The following SH3BP2 variants were observed in gnomAD, a reference collection of about 807,000 sequenced individuals.
SH3BP2 encodes SH3 domain-binding protein 2.
A neutral mutation model predicts 56.2 loss-of-function variants in SH3BP2; 38 were observed. That is an observed-to-expected ratio of 0.68 (90% CI 0.52 to 0.89). The LOEUF is 0.89. Among genes scored for constraint, SH3BP2 ranks in the 40% least tolerant of loss-of-function variants. The probability of loss-of-function intolerance (pLI) is 0.00; values close to 1 mark genes in which losing one functional copy is unlikely to be tolerated. For missense variants in SH3BP2, 748 were observed against 762.6 expected, an observed-to-expected ratio of 0.98 and a Z score of 0.23; for synonymous variants, 346 against 316.7, an observed-to-expected ratio of 1.09 and a Z score of -0.98.
intron 1 of SH3BP2, chr4:2,812,608 G>A (rs1264414810): frequency 8.2e-7 from 1 of 1,217,728 alleles, no homozygotes; most frequent in Admixed American, 2.8e-5. Context: ...ACAGGAGGTG[G>A]CCCTGAGCCT....
intron 3 of SH3BP2, among the ~76,000 whole-genome samples, chr4:2,824,151 AG>A (rs2108729934): frequency 6.6e-6 from 1 of 152,282 alleles, no homozygotes. Flanking sequence ...TGATAAACTC[AG>A]CGCAAACCCC....
chr4:2,798,233 G>A (rs555623380), intron 1 of SH3BP2, among the ~76,000 whole-genome samples: 14 of 152,304 alleles, frequency 9.2e-5, no homozygotes, highest in African/African-American at 3.4e-4. Flanking sequence ...CTCCCTGAAC[G>A]AAAGTGCTTT....
intron 7 of SH3BP2, among the ~76,000 whole-genome samples, chr4:2,828,656 G>A (rs1413731802): frequency 2.6e-5 from 4 of 152,226 alleles, no homozygotes; most frequent in Non-Finnish European, 5.9e-5. Context: ...CTGCAGCCCA[G>A]TGAGGCTAGA....
chr4:2,793,629 C>T (rs764223931), intron 1 of SH3BP2: 3 of 151,980 alleles, frequency 2.0e-5, no homozygotes, highest in Admixed American at 1.3e-4. Flanking sequence ...GCGACCCTCC[C>T]CACAAGACTC....
intron 1 of SH3BP2, among the ~76,000 whole-genome samples, chr4:2,820,186 C>T (rs1402205258): frequency 6.6e-6 from 1 of 152,202 alleles, no homozygotes; most frequent in Non-Finnish European, 1.5e-5. Flanking sequence ...TGCCTTCTTC[C>T]TGTCTAGGCC....
intron 5 of SH3BP2, 101 bp downstream of exon 5, chr4:2,825,297 C>T (rs562791402): frequency 1.7e-5 from 17 of 1,014,414 alleles, no homozygotes; most frequent in African/African-American, 1.3e-4. Flanking sequence ...CATAGAATTC[C>T]GTCCTTAAAG....
chr4:2,806,601 G>A (rs953126282), intron 1 of SH3BP2, among the ~76,000 whole-genome samples: 2 of 150,858 alleles, frequency 1.3e-5, no homozygotes, highest in East Asian at 1.9e-4. Context: ...ACTGTCTCCA[G>A]CCCCACCTCA....
intron 1 of SH3BP2, among the ~76,000 whole-genome samples, chr4:2,808,827 C>T (rs1288355256): frequency 1.4e-4 from 5 of 36,610 alleles, no homozygotes; most frequent in African/African-American, 2.6e-4. Context: ...GCCCACCCAC[C>T]CTCCTAGGGC....
chr4:2,810,566 G>A lies in SH3BP2; in HGVS notation c.-4-10048G>A, dbSNP rs755716009. Among the ~76,000 whole-genome samples the A allele has an allele frequency of 5.9e-5, 9 of 151,928 alleles. No individual in the cohort carries two copies. The highest frequency in any genetic ancestry group is 1.3e-4 in the Non-Finnish European group (9 of 67,978). On this transcript the variant is annotated intron_variant, in intron 1 of 12. Coordinates refer to ENST00000503393, the MANE Select transcript of SH3BP2 (RefSeq NM_001122681.2). The surrounding 1 kb of genome is among the most constrained non-coding windows in gnomAD (Gnocchi z 4.2). ...TGCCTCTGGGTTCTTATCTTCATGG[G>A]TTGTCATCCCTGAAGCTGTGCGTTG...
At chr4:2,820,846 C>T in intron 2 of SH3BP2, 93 bp downstream of exon 2, 1 of 1,375,080 alleles carries the variant, frequency 7.3e-7, no homozygotes, top group Non-Finnish European at 9.9e-7. Context: ...TCTGCTTCCT[C>T]ACATGGTGTG....
chr4:2,825,686 G>A (rs539402453), intron 5 of SH3BP2, among the ~76,000 whole-genome samples: 1 of 152,346 alleles, frequency 6.6e-6, no homozygotes, highest in African/African-American at 2.4e-5. Flanking sequence ...CTGTGTTGCC[G>A]CCATGGGTAG....
At position 2,840,242 on chromosome 4, in the gene SH3BP2, A is replaced by C. The variant is rs1725375477; in HGVS notation, c.*6408A>C. On this transcript the variant is annotated 3_prime_UTR_variant, in exon 13 of 13. Coordinates refer to ENST00000503393, the MANE Select transcript of SH3BP2 (RefSeq NM_001122681.2). ...CCTATCTCAAAAAAAACCAAAAAAA[A>C]AAAAAAAAAAAAGAAAACCACTGAA... 1 of 151,466 alleles carries C rather than the reference A, an allele frequency of 6.6e-6. No individual in the cohort carries two copies. The highest frequency in any genetic ancestry group is 2.4e-5 in the African/African-American group (1 of 41,256). The allele number at this position is 151,466 out of a possible 1,614,324, so 9.4% of individuals were successfully genotyped here. A position where few individuals can be genotyped will look rare whatever the true frequency, so the allele number is the denominator to read the frequency against.
At position 2,833,714 on chromosome 4, in the gene SH3BP2, G is replaced by T; in HGVS notation, c.1566G>T (p.Leu522=). 6.2e-7 allele frequency: 1 copy of T among 1,610,676 alleles called. No homozygotes were observed. The part of the protein sequence containing the change: ...RIFEKDSKFY[L]EGEVLFVSVG... ...CCCCACAGGACTCTAAGTTCTACCT[G>T]GAGGGCGAGGTCCTGTTTGTGAGTG... Residue 522 remains leucine (L), a synonymous_variant, in exon 13 of 13, where the codon CTG becomes CTT. Transcript: ENST00000503393.
At chr4:2,827,937 T>C (rs892737790) in intron 7 of SH3BP2, among the ~76,000 whole-genome samples, 1 of 152,078 alleles carries the variant, frequency 6.6e-6, no homozygotes, top group African/African-American at 2.4e-5. Context: ...GGGGTGGCCC[T>C]GGGGGTTAAG....
rs1724840251 is a variant in SH3BP2 at position 2,829,198 on chromosome 4, TCTCTTCCTTC to T, written c.587-293_587-284del. Reference sequence around the variant, plus strand: ...AGATCCTTCTTGACTTCTCTTCCTTTCTCTTCCTTCCACCTCTGGGAACCTGATGGGCTCC... The same window carrying T: ...AGATCCTTCTTGACTTCTCTTCCTTTCACCTCTGGGAACCTGATGGGCTCC... On this transcript the variant is annotated intron_variant, in intron 7 of 12. Coordinates refer to ENST00000503393, the MANE Select transcript of SH3BP2 (RefSeq NM_001122681.2). The surrounding 1 kb of genome is among the most constrained non-coding windows in gnomAD (Gnocchi z 4.9). Among the ~76,000 whole-genome samples, 1 of 152,086 alleles carries T rather than the reference TCTCTTCCTTC, an allele frequency of 6.6e-6. No individual in the cohort carries two copies. Among genetic ancestry groups the T allele is most frequent in the Non-Finnish European group, 1.5e-5 (1 of 68,006 alleles).
At chr4:2,824,891 G>A (rs1322731867) in intron 4 of SH3BP2, 161 bp downstream of exon 4, 1 of 682,356 alleles carries the variant, frequency 1.5e-6, no homozygotes, top group Non-Finnish European at 2.6e-6. Flanking sequence ...GGTGGGTGCT[G>A]CCCCAGCTCC....
intron 1 of SH3BP2, among the ~76,000 whole-genome samples, chr4:2,820,266 A>G (rs1488756455): frequency 6.6e-6 from 1 of 152,188 alleles, no homozygotes; most frequent in East Asian, 1.9e-4. Context: ...CTGGGCTGGC[A>G]GTTTTCTGAG....
At chr4:2,801,226 C>G (rs1464658087) in intron 1 of SH3BP2, among the ~76,000 whole-genome samples, 1 of 151,638 alleles carries the variant, frequency 6.6e-6, no homozygotes, top group Non-Finnish European at 1.5e-5. Flanking sequence ...CTCACTGGGC[C>G]TCTCTGAACA....
intron 5 of SH3BP2, among the ~76,000 whole-genome samples, chr4:2,825,844 C>A (rs964326144): frequency 6.6e-6 from 1 of 152,278 alleles, no homozygotes; most frequent in Non-Finnish European, 1.5e-5. Flanking sequence ...CGGGGCGCCA[C>A]TGGGCAGTCT....
Sources: gnomAD v4.1 joint callset for allele counts (sites outside exome capture counted in the v4.1 genomes callset) on GRCh38, gnomAD v4.1.1 for gene constraint, Gnocchi (gnomAD v3.1) non-coding constraint, MANE v1.5 for transcripts, NCBI Gene and HGNC (gene_info 2026-07-23, HGNC 2026-07-21) for gene names.